Variants in IL1RAPL2 observed in about 807,000 individuals in gnomAD.
The protein encoded by IL1RAPL2 is X-linked interleukin-1 receptor accessory protein-like 2.
A neutral mutation model predicts 44.1 loss-of-function variants in IL1RAPL2; 3 were observed. The ratio of observed to expected loss-of-function variants is 0.07; its 90% CI spans 0.03 to 0.18. IL1RAPL2 has a LOEUF of 0.18. Among genes scored for constraint, IL1RAPL2 ranks in the 10% least tolerant of loss-of-function variants. IL1RAPL2 has a pLI of 1.00. For synonymous variants in IL1RAPL2, 181 were observed against 178.8 expected (o/e 1.01, Z -0.10); for missense variants, 391 against 496.4 (o/e 0.79, Z 2.02).
intron 2 of IL1RAPL2, among the ~76,000 whole-genome samples, chrX:104,905,123 G>A (rs1383556091): frequency 1.8e-5 from 2 of 111,506 alleles, no homozygotes; most frequent in African/African-American, 6.5e-5. Flanking sequence ...GTCTGTTCAT[G>A]TCCTTCCCCC....
Position 105,363,309 on chromosome X carries a change from A to ATATATATATATATAATATAT in IL1RAPL2, c.697+95782_697+95783insATATATTATATATATATATA, listed in dbSNP as rs2035266879. Among the ~76,000 whole-genome samples, 3 of 55,694 alleles carry ATATATATATATATAATATAT rather than the reference A, an allele frequency of 5.4e-5. No individual in the cohort carries two copies. The African/African-American group carries it at 5.8e-4, about 11-fold the overall frequency. The allele number at this position is 55,694 out of a possible 115,157, so 48.4% of individuals were successfully genotyped here. ...TATATAATATATATATATATATATA[A>ATATATATATATATAATATAT]TATATATATATATATATATATTCTT... On this transcript the variant is annotated intron_variant, in intron 5 of 10. Transcript: ENST00000372582.
At chrX:104,990,001 A>G (rs1289675496) in intron 2 of IL1RAPL2, among the ~76,000 whole-genome samples, 1 of 111,239 alleles carries the variant, frequency 9.0e-6, no homozygotes, top group Non-Finnish European at 1.9e-5. Flanking sequence ...CTAATGTACC[A>G]CTCCTTGTTT....
intron 6 of IL1RAPL2, among the ~76,000 whole-genome samples, chrX:105,508,782 T>C (rs1248115528): frequency 9.0e-6 from 1 of 111,243 alleles, no homozygotes; most frequent in East Asian, 2.8e-4. Context: ...ATTTACAGAT[T>C]CATTCTCAAA....
intron 2 of IL1RAPL2, among the ~76,000 whole-genome samples, chrX:104,962,458 C>A (rs866791224): frequency 5.4e-5 from 6 of 111,611 alleles, no homozygotes. Flanking sequence ...GCCCTAAGTG[C>A]GGAGAATAGA....
chrX:104,709,440 C>T (rs1403078207), intron 2 of IL1RAPL2, among the ~76,000 whole-genome samples: 2 of 110,582 alleles, frequency 1.8e-5, no homozygotes, highest in Admixed American at 1.9e-4. Flanking sequence ...AATGGTCATA[C>T]TGACGAGTAC....
chrX:105,613,059 G>T (rs1029730729), intron 6 of IL1RAPL2, among the ~76,000 whole-genome samples: 3 of 111,656 alleles, frequency 2.7e-5, no homozygotes, highest in African/African-American at 6.5e-5. Flanking sequence ...ACCCCAGGCT[G>T]AACAGCTTGT....
At chrX:105,610,476 C>T (rs987367166) in intron 6 of IL1RAPL2, among the ~76,000 whole-genome samples, 3 of 111,751 alleles carry the variant, frequency 2.7e-5, no homozygotes, top group Non-Finnish European at 5.6e-5. Context: ...GCACCTCCCC[C>T]ATCCTTGCCC....
In IL1RAPL2 at chrX:104,645,440, T is replaced by C. The variant is rs760959451; in HGVS notation, c.-19-13455T>C. Among the ~76,000 whole-genome samples, 6 of 112,048 alleles carry C rather than the reference T, an allele frequency of 5.4e-5. No homozygotes were observed. The Admixed American group carries it at 5.7e-4, about 11-fold the overall frequency. On this transcript the variant is annotated intron_variant, in intron 1 of 10. Coordinates refer to ENST00000372582, the MANE Select transcript of IL1RAPL2 (RefSeq NM_017416.2). The stretch of plus-strand genomic sequence containing the variant: ...TGATTCTGCCATATTGAACTCATTC[T>C]ACTTCAATGAACATTCCATGCCCTC...
intron 6 of IL1RAPL2, among the ~76,000 whole-genome samples, chrX:105,606,151 A>G (rs1198890550): frequency 2.7e-5 from 3 of 111,780 alleles, no homozygotes; most frequent in Non-Finnish European, 5.7e-5. Flanking sequence ...ATATTTGCAC[A>G]CCATTAACCT....
intron 6 of IL1RAPL2, among the ~76,000 whole-genome samples, chrX:105,630,500 CTT>C (rs369815453): frequency 4.3e-4 from 40 of 92,593 alleles, no homozygotes; most frequent in Admixed American, 4.8e-4. Context: ...AAATTCAGAG[CTT>C]TTTTTTTTTT....
At chrX:104,714,793 C>T (rs932509948) in intron 2 of IL1RAPL2, among the ~76,000 whole-genome samples, 1 of 110,981 alleles carries the variant, frequency 9.0e-6, no homozygotes, top group Non-Finnish European at 1.9e-5. Flanking sequence ...TGTTGATTTG[C>T]ATATGTTGAA....
At chrX:105,241,624 A>G (rs1381927000) in intron 4 of IL1RAPL2, among the ~76,000 whole-genome samples, 1 of 112,061 alleles carries the variant, frequency 8.9e-6, no homozygotes, top group Non-Finnish European at 1.9e-5. Context: ...ATAACCCATT[A>G]CAAATTTTCA....
At chrX:104,953,320 C>T (rs1409478380) in intron 2 of IL1RAPL2, among the ~76,000 whole-genome samples, 8 of 111,782 alleles carry the variant, frequency 7.2e-5, no homozygotes, top group Admixed American at 1.9e-4. Context: ...TGTGGAAACT[C>T]AGAGGAAAAT....
chrX:105,281,931 G>T (rs189218596), intron 5 of IL1RAPL2, among the ~76,000 whole-genome samples: 20 of 111,310 alleles, frequency 1.8e-4, no homozygotes, highest in Admixed American at 1.7e-3. Flanking sequence ...TCTGACAAAT[G>T]GTCTAAGACA....
chrX:105,150,366 G>T (rs938198446), intron 2 of IL1RAPL2, among the ~76,000 whole-genome samples: 10 of 111,895 alleles, frequency 8.9e-5, no homozygotes, highest in African/African-American at 3.2e-4. Flanking sequence ...TTTCCACTAG[G>T]CCCATTGAGG....
chrX:104,685,297 A>G (rs192645872), intron 2 of IL1RAPL2, among the ~76,000 whole-genome samples: 3 of 111,922 alleles, frequency 2.7e-5, no homozygotes, highest in Non-Finnish European at 5.6e-5. Flanking sequence ...TTCCTGTTCC[A>G]TTTCAACTTA....
chrX:104,622,129 C>T (rs967783449), intron 1 of IL1RAPL2, among the ~76,000 whole-genome samples: 3 of 109,913 alleles, frequency 2.7e-5, no homozygotes, highest in Non-Finnish European at 5.7e-5. Flanking sequence ...AAAAGAAACA[C>T]ATTTTGAAGA....
intron 2 of IL1RAPL2, among the ~76,000 whole-genome samples, chrX:104,690,029 C>T (rs1457571775): frequency 1.8e-5 from 2 of 111,667 alleles, no homozygotes; most frequent in Non-Finnish European, 3.8e-5. Context: ...GGCTCCAACT[C>T]TGGAGAATAA....
At chrX:104,661,086 G>A in intron 2 of IL1RAPL2, among the ~76,000 whole-genome samples, 1 of 111,244 alleles carries the variant, frequency 9.0e-6, no homozygotes, top group Non-Finnish European at 1.9e-5. Context: ...GGCTTACTAG[G>A]GTTTCTTAGC....
Sources: allele counts gnomAD v4.1 joint callset (sites outside exome capture counted in the v4.1 genomes callset), GRCh38; gene constraint gnomAD v4.1.1; transcripts MANE v1.5; gene names NCBI Gene and HGNC (gene_info 2026-07-23, HGNC 2026-07-21).